MAFG: variants seen among roughly 807,000 people sequenced by gnomAD.
MAFG encodes transcription factor MafG.
MAFG carries 3 observed loss-of-function variants against 12.2 expected under a neutral mutation model. The observed-to-expected ratio is 0.25, with a 90% CI of 0.11 to 0.64. The LOEUF is 0.64. Among genes scored for constraint, MAFG ranks in the 30% least tolerant of loss-of-function variants. MAFG has a pLI of 0.85. For synonymous variants in MAFG, 126 were observed against 109.1 expected (o/e 1.15, Z -0.96); for missense variants, 153 against 235.5 (o/e 0.65, Z 2.29).
chr17:81,923,409 C>A (rs1017856619), intron 1 of MAFG, 195 bp from the exon 2 acceptor site: 39 of 472,658 alleles, frequency 8.3e-5, no homozygotes, highest in Non-Finnish European at 1.4e-4. Flanking sequence ...TTCCTGTCCA[C>A]CCTGCCCCTA....
At chr17:81,923,522 A>C in intron 1 of MAFG, 1 of 264,384 alleles carries the variant, frequency 3.8e-6, no homozygotes, top group Non-Finnish European at 7.2e-6. Context: ...ATTAGAAGGA[A>C]TAAGACGCGG....
rs188686934 is a variant in MAFG at position 81,923,211 on chromosome 17, C to T, written c.-26G>A. On this transcript the variant is annotated 5_prime_UTR_variant, in exon 2 of 3. Transcript: ENST00000357736. ...AACCCGGGGGCACAGCGAGCAGGCG[C>T]TCTCTGCAAGACACGGAGCAGGTCA... 5.6e-5 allele frequency: 88 copies of T among 1,583,306 alleles called. No individual in the cohort carries two copies. Among genetic ancestry groups the T allele is most frequent in the African/African-American group, 1.5e-4 (11 of 73,936 alleles).
chr17:81,930,658 T>C, upstream of MAFG: 1 of 150,678 alleles, frequency 6.6e-6, no homozygotes, highest in African/African-American at 2.4e-5. This position sits in a 1 kb window ranked among gnomAD's most constrained non-coding sequence, Gnocchi z 4.1. Context: ...AGAACCTCTC[T>C]AAAAAAAAAG....
At position 81,922,294 on chromosome 17, in the gene MAFG, T is replaced by A. The variant is rs905079248; in HGVS notation, c.*311A>T. The A allele has an allele frequency of 4.6e-6, 1 of 217,508 alleles. No individual in the cohort carries two copies. The highest frequency in any genetic ancestry group is 2.3e-5 in the African/African-American group (1 of 43,680). 13.5% of individuals were successfully genotyped at this position (217,508 alleles called of 1,614,324 possible). On this transcript the variant is annotated 3_prime_UTR_variant, in exon 3 of 3. Transcript: ENST00000357736. ...GCCTGCTCCTTCTCTCTCCCGCAAC[T>A]CTCTCTAGTCCGTTCCCACAGCACC...
rs1467807837 is a variant in MAFG at position 81,924,055 on chromosome 17, C to T, written c.-29-841G>A. 1 of 152,288 alleles carries T rather than the reference C, an allele frequency of 6.6e-6. No homozygotes were observed. Among genetic ancestry groups the T allele is most frequent in the Non-Finnish European group, 1.5e-5 (1 of 68,076 alleles). 9.4% of individuals were successfully genotyped at this position (152,288 alleles called of 1,614,324 possible). On this transcript the variant is annotated intron_variant, in intron 1 of 2. Transcript: ENST00000357736. This position sits in a 1 kb window ranked among gnomAD's most constrained non-coding sequence, Gnocchi z 4.7. ...TCGGCCTCCTCCACTGATGGAGTAA[C>T]CATCCTGTGGCTTTGGGTTGCAGGA...
At chr17:81,923,753 C>T (rs1314671114) in intron 1 of MAFG, among the ~76,000 whole-genome samples, 2 of 152,158 alleles carry the variant, frequency 1.3e-5, no homozygotes, top group Non-Finnish European at 2.9e-5. Flanking sequence ...GTGTGTGCAT[C>T]TTCCAGGGTC....
At chr17:81,923,537 G>T in intron 1 of MAFG, 1 of 240,930 alleles carries the variant, frequency 4.2e-6, no homozygotes. Flanking sequence ...ACGCGGGAGA[G>T]GCAGGCCTAG....
rs1195164482 is a variant in MAFG, at chr17:81,920,948, A to C, written c.*1657T>G. 6.6e-6 allele frequency: 1 copy of C among 152,408 alleles called. No individual in the cohort carries two copies. The highest frequency in any genetic ancestry group is 6.5e-5 in the Admixed American group (1 of 15,294). 9.4% of individuals were successfully genotyped at this position (152,408 alleles called of 1,614,324 possible). On this transcript the variant is annotated 3_prime_UTR_variant, in exon 3 of 3. Coordinates refer to ENST00000357736, the MANE Select transcript of MAFG (RefSeq NM_002359.4). ...GGATCAAGCGGGCGGCGAGACCTGCAGCCCACGGCGCGGGCAGCCTATAGG... is the reference window on the plus strand; with the variant it reads ...GGATCAAGCGGGCGGCGAGACCTGCCGCCCACGGCGCGGGCAGCCTATAGG...
chr17:81,923,444 G>A (rs1168700665), intron 1 of MAFG: 3 of 436,592 alleles, frequency 6.9e-6, no homozygotes, highest in Non-Finnish European at 8.1e-6. Context: ...AGGTCAGGAA[G>A]GTCTGACGGG....
At chr17:81,929,005 C>A (rs1298364655), upstream of MAFG, among the ~76,000 whole-genome samples, 1 of 152,164 alleles carries the variant, frequency 6.6e-6, no homozygotes. This position sits in a 1 kb window ranked among gnomAD's most constrained non-coding sequence, Gnocchi z 5.7. Flanking sequence ...CCCTCCGTGC[C>A]ACACAGCGGG....
In MAFG at chr17:81,922,686, G is replaced by A; in HGVS notation, c.408C>T (p.Gly136=). The change falls in exon 3 of 3, where the codon GGC becomes GGT. Residue 136 remains glycine (G), a synonymous_variant. Transcript: ENST00000357736. The stretch of plus-strand genomic sequence containing the variant: ...CCTTGCCTGGGACGAGGGGCCCCAG[G>A]CCGGCGGCAAGGGGGCCCCGGGCTG... ...VAPARGPLAA[G]LGPLVPGKVA... is the part of the protein sequence containing the mutation. The A allele has an allele frequency of 6.6e-7, 1 of 1,507,878 alleles. No individual in the cohort carries two copies. The highest frequency in any genetic ancestry group is 8.8e-7 in the Non-Finnish European group (1 of 1,133,374). 93.4% of individuals were successfully genotyped at this position (1,507,878 alleles called of 1,614,324 possible). A position where few individuals can be genotyped will look rare whatever the true frequency, so the allele number is the denominator to read the frequency against.
upstream of MAFG, among the ~76,000 whole-genome samples, chr17:81,928,904 C>T (rs2040963254): frequency 1.3e-5 from 2 of 152,308 alleles, no homozygotes; most frequent in Middle Eastern, 3.4e-3. This position sits in a 1 kb window ranked among gnomAD's most constrained non-coding sequence, Gnocchi z 8.1. Flanking sequence ...CATCCTGCTC[C>T]GCGGGAGGGT....
Position 81,924,743 on chromosome 17 carries a change from CT to C in MAFG, c.-29-1530del, listed in dbSNP as rs1238443194. Among the ~76,000 whole-genome samples the C allele has an allele frequency of 6.6e-6, 1 of 152,210 alleles. No individual in the cohort carries two copies. Among genetic ancestry groups the C allele is most frequent in the Non-Finnish European group, 1.5e-5 (1 of 68,028 alleles). ...GGAGGTCAGAAGGCCCACAGGAGCC[CT>C]TTCCTACACGTCCGGCACAACACTG... On this transcript the variant is annotated intron_variant, in intron 1 of 2. Transcript: ENST00000357736. The surrounding 1 kb of genome is among the most constrained non-coding windows in gnomAD (Gnocchi z 4.7).
At position 81,922,851 on chromosome 17, in the gene MAFG, C is replaced by T. The variant is rs368117522; in HGVS notation, c.243G>A (p.Lys81=). ...KRVTQKEELE[K]QKAELQQEVE... ...CCTCCTGCTGCAGCTCCGCCTTCTG[C>T]TTCTCCAGCTCCTCCTTCTGCGTCA... The change falls in exon 3 of 3, where the codon AAG becomes AAA. Residue 81 remains lysine (K), a synonymous_variant. Transcript: ENST00000357736. 64 of 1,611,156 alleles carry T rather than the reference C, an allele frequency of 4.0e-5. No individual in the cohort carries two copies. In the African/African-American group the frequency reaches 6.7e-4, roughly 17 times the overall value.
At chr17:81,927,256 C>A (rs2040949122) in intron 1 of MAFG, among the ~76,000 whole-genome samples, 1 of 151,874 alleles carries the variant, frequency 6.6e-6, no homozygotes, top group Non-Finnish European at 1.5e-5. Context: ...CCGCTCCGCA[C>A]TCGCCCGGCT....
At chr17:81,923,881 T>A (rs1393117735) in intron 1 of MAFG, among the ~76,000 whole-genome samples, 1 of 152,182 alleles carries the variant, frequency 6.6e-6, no homozygotes, top group Non-Finnish European at 1.5e-5. Flanking sequence ...ACCCCGAGTC[T>A]CCCAGCCTCC....
chr17:81,931,089 G>A (rs1473401218), upstream of MAFG, among the ~76,000 whole-genome samples: 3 of 152,278 alleles, frequency 2.0e-5, no homozygotes, highest in East Asian at 5.8e-4. Context: ...GGAGCCTCCT[G>A]TGGACTCTGG....
intron 1 of MAFG, 44 bp from the exon 2 acceptor site, chr17:81,923,258 CCG>C: frequency 2.1e-6 from 2 of 942,812 alleles, no homozygotes; most frequent in Admixed American, 4.6e-5. Context: ...ACCACCCTCG[CCG>C]CACCCCCCCC....
rs184443608 is a variant in MAFG at position 81,920,549 on chromosome 17, C to G, written c.*2056G>C. The G allele has an allele frequency of 1.3e-5, 2 of 152,216 alleles. No individual in the cohort carries two copies. The highest frequency in any genetic ancestry group is 2.9e-5 in the Non-Finnish European group (2 of 68,038). 9.4% of individuals were successfully genotyped at this position (152,216 alleles called of 1,614,324 possible). ...CTCTTGGAGGTGGGTAGGGGCACCCCCTCCCCATCATATGCCTACAAGGAG... is the reference window on the plus strand; with the variant it reads ...CTCTTGGAGGTGGGTAGGGGCACCCGCTCCCCATCATATGCCTACAAGGAG... On this transcript the variant is annotated 3_prime_UTR_variant, in exon 3 of 3. Transcript: ENST00000357736.
Sources: gnomAD v4.1 joint callset for allele counts (sites outside exome capture counted in the v4.1 genomes callset) on GRCh38, gnomAD v4.1.1 for gene constraint, Gnocchi (gnomAD v3.1) non-coding constraint, MANE v1.5 for transcripts, NCBI Gene and HGNC (gene_info 2026-07-23, HGNC 2026-07-21) for gene names.